ITGBL1: variants seen among roughly 807,000 people sequenced by gnomAD.
ITGBL1 encodes integrin beta-like protein 1.
In ITGBL1, 51 loss-of-function variants were observed where a neutral mutation model predicts 68.5. The observed-to-expected ratio is 0.74, with a 90% confidence interval of 0.59 to 0.94. ITGBL1 has a LOEUF of 0.94. Among genes scored for constraint, ITGBL1 ranks in the 40% least tolerant of loss-of-function variants. The pLI is 0.00. For missense variants in ITGBL1, 649 were observed against 647.4 expected (o/e 1.00, Z -0.03); for synonymous variants, 209 against 227.3 (o/e 0.92, Z 0.72).
chr13:101,639,540 T>C (rs895790129), intron 7 of ITGBL1, among the ~76,000 whole-genome samples: 2 of 152,198 alleles, frequency 1.3e-5, no homozygotes, highest in Non-Finnish European at 1.5e-5. Flanking sequence ...AAATATTTAC[T>C]TTTAAGATTT....
intron 9 of ITGBL1, among the ~76,000 whole-genome samples, chr13:101,709,561 T>C (rs2034367568): frequency 6.6e-6 from 1 of 152,106 alleles, no homozygotes; most frequent in Non-Finnish European, 1.5e-5. Context: ...GCTTCAGACA[T>C]AGAGCACTTA....
chr13:101,605,028 A>G (rs1372175864), intron 7 of ITGBL1, among the ~76,000 whole-genome samples: 4 of 81,268 alleles, frequency 4.9e-5, no homozygotes, highest in East Asian at 4.3e-4. Context: ...GTGTATATGT[A>G]TATATACATA....
intron 7 of ITGBL1, among the ~76,000 whole-genome samples, chr13:101,614,660 G>T (rs765879837): frequency 6.6e-6 from 1 of 152,078 alleles, no homozygotes; most frequent in Admixed American, 6.5e-5. Flanking sequence ...TTGGGCTTTC[G>T]CAGCTACGGT....
chr13:101,668,607 A>T (rs2033281139), intron 7 of ITGBL1, among the ~76,000 whole-genome samples: 1 of 66,408 alleles, frequency 1.5e-5, no homozygotes, highest in Non-Finnish European at 3.0e-5. Flanking sequence ...AATCAACTTG[A>T]AATGAGAACT....
intron 2 of ITGBL1, among the ~76,000 whole-genome samples, chr13:101,555,657 G>T (rs575637994): frequency 6.9e-6 from 1 of 145,380 alleles, no homozygotes; most frequent in African/African-American, 2.6e-5. Flanking sequence ...ATATGTATGT[G>T]TATATATATG....
At chr13:101,524,598 G>A (rs2049341678) in intron 2 of ITGBL1, among the ~76,000 whole-genome samples, 1 of 142,942 alleles carries the variant, frequency 7.0e-6, no homozygotes, top group Non-Finnish European at 1.5e-5. Context: ...TTCTCCTACT[G>A]TAGTATCAGG....
chr13:101,716,515 T>C (rs529465317), downstream of ITGBL1: 24 of 152,130 alleles, frequency 1.6e-4, no homozygotes, highest in Admixed American at 1.2e-3. Flanking sequence ...CTATTTTAGG[T>C]TTCTAGAAAT....
intron 2 of ITGBL1, among the ~76,000 whole-genome samples, chr13:101,527,448 A>G (rs551735015): frequency 6.6e-6 from 1 of 152,212 alleles, no homozygotes; most frequent in Admixed American, 6.5e-5. Context: ...ATATATCACT[A>G]TTTCCTTCAC....
At chr13:101,633,268 T>C (rs2032048628) in intron 7 of ITGBL1, among the ~76,000 whole-genome samples, 1 of 152,158 alleles carries the variant, frequency 6.6e-6, no homozygotes, top group Non-Finnish European at 1.5e-5. Context: ...AAATTGACCG[T>C]TTTCCTTTCT....
At chr13:101,635,215 A>G (rs2032130333) in intron 7 of ITGBL1, among the ~76,000 whole-genome samples, 2 of 152,230 alleles carry the variant, frequency 1.3e-5, no homozygotes, top group East Asian at 3.9e-4. Flanking sequence ...GAGTCTCTCA[A>G]GCTTTTGTGG....
At chr13:101,710,624 A>G (rs988380540) in intron 9 of ITGBL1, among the ~76,000 whole-genome samples, 2 of 152,156 alleles carry the variant, frequency 1.3e-5, no homozygotes, top group South Asian at 2.1e-4. Flanking sequence ...AAATTTGTCA[A>G]TGAAAGTCCC....
rs1232191199 is a variant in ITGBL1 at position 101,452,872 on chromosome 13, G to A, written c.39G>A (p.Ala13=). The stretch of plus-strand genomic sequence containing the variant: ...GCTTCAGGAACTTCTTGCTGCTGGC[G>A]TCCTCCCTTCTCTTTGCTGGGTTGT... The part of the protein sequence containing the change: ...PPGFRNFLLL[A]SSLLFAGLSA... The change falls in exon 1 of 11, where the codon GCG becomes GCA. Residue 13 remains alanine, a synonymous_variant. Coordinates refer to ENST00000376180, the MANE Select transcript of ITGBL1 (RefSeq NM_004791.3). The A allele has an allele frequency of 1.9e-6, 3 of 1,614,038 alleles. No homozygotes were observed. The highest frequency in any genetic ancestry group is 1.3e-5 in the African/African-American group (1 of 74,918).
At chr13:101,532,341 G>A (rs1012335572) in intron 2 of ITGBL1, among the ~76,000 whole-genome samples, 1 of 152,140 alleles carries the variant, frequency 6.6e-6, no homozygotes, top group East Asian at 1.9e-4. Context: ...GTTATTCACT[G>A]CAAATTGAAA....
At chr13:101,563,110 TAAAA>T (rs1425303702) in intron 2 of ITGBL1, among the ~76,000 whole-genome samples, 3 of 150,788 alleles carry the variant, frequency 2.0e-5, no homozygotes, top group African/African-American at 7.3e-5. Flanking sequence ...TGAATGAAAA[TAAAA>T]TATAACATAT....
chr13:101,549,296 A>G (rs1334791586), intron 2 of ITGBL1, among the ~76,000 whole-genome samples: 4 of 151,938 alleles, frequency 2.6e-5, no homozygotes, highest in African/African-American at 9.7e-5. Flanking sequence ...ATCTTACAGT[A>G]TAAAATTTCC....
chr13:101,534,463 TAGA>T (rs770809459), intron 2 of ITGBL1, among the ~76,000 whole-genome samples: 7 of 151,952 alleles, frequency 4.6e-5, no homozygotes, highest in South Asian at 2.1e-4. Context: ...CAGGAGGAAA[TAGA>T]AGAAGGACTC....
chr13:101,542,085 T>C (rs1010409341), intron 2 of ITGBL1, among the ~76,000 whole-genome samples: 1 of 152,212 alleles, frequency 6.6e-6, no homozygotes, highest in African/African-American at 2.4e-5. Context: ...AGTTATTTCT[T>C]GCCTTCTGCT....
At chr13:101,483,721 T>C (rs1437369333) in intron 2 of ITGBL1, among the ~76,000 whole-genome samples, 2 of 152,218 alleles carry the variant, frequency 1.3e-5, no homozygotes, top group Non-Finnish European at 2.9e-5. Context: ...TTTTTCCTTC[T>C]TAATATAAAA....
rs535568244 is a variant in ITGBL1, at chr13:101,605,623, C to T, written c.1015+7324C>T. 4.2e-4 allele frequency among the ~76,000 whole-genome samples: 61 copies of T among 145,904 alleles called. 1 individual carries two copies. The highest frequency in any genetic ancestry group is 3.6e-3 in the Middle Eastern group (1 of 276). ...GTGTGTATATGCGTATATATATACA[C>T]GTATGTAGACATGTATGTGTGTATG... On this transcript the variant is annotated intron_variant, in intron 7 of 10. Coordinates refer to ENST00000376180, the MANE Select transcript of ITGBL1 (RefSeq NM_004791.3).
Sources: gnomAD v4.1 joint callset for allele counts (sites outside exome capture counted in the v4.1 genomes callset) on GRCh38, gnomAD v4.1.1 for gene constraint, MANE v1.5 for transcripts, NCBI Gene and HGNC (gene_info 2026-07-23, HGNC 2026-07-21) for gene names.